HTRA3: variants seen among roughly 807,000 people sequenced by gnomAD.
HTRA3 encodes the protein serine protease HTRA3.
HTRA3 carries 41 observed loss-of-function variants against 43.2 expected under a neutral mutation model. That is an observed-to-expected ratio of 0.95 (90% confidence interval 0.74 to 1.23). The LOEUF (loss-of-function observed/expected upper bound fraction) is 1.23. Among genes scored for constraint, HTRA3 ranks in the 50% most tolerant of loss-of-function variants. The pLI, the probability that HTRA3 is intolerant of heterozygous loss-of-function variation, is 0.00. For synonymous variants in HTRA3, 295 were observed against 287.9 expected (o/e 1.02, Z -0.25); for missense variants, 628 against 647.1 (o/e 0.97, Z 0.32).
chr4:8,270,955 G>T (rs935095457), intron 1 of HTRA3, among the ~76,000 whole-genome samples: 1 of 152,224 alleles, frequency 6.6e-6, no homozygotes, highest in Non-Finnish European at 1.5e-5. Context: ...GACTCTGTAC[G>T]TGGAGGAAAA....
chr4:8,270,125 G>C lies in HTRA3; in HGVS notation c.157G>C (p.Val53Leu). 2 of 1,545,890 alleles carry C rather than the reference G, an allele frequency of 1.3e-6. No homozygotes were observed. The highest frequency in any genetic ancestry group is 1.7e-6 in the Non-Finnish European group (2 of 1,157,994). Reference protein sequence around the residue: ...YVPDLCNCCLVCAASEGEPCG... With the variant: ...YVPDLCNCCLLCAASEGEPCG... Reference sequence around the variant, plus strand: ...GCCCGACCTCTGCAACTGCTGCCTGGTGTGCGCCGCCAGCGAGGGCGAGCC... The same window carrying C: ...GCCCGACCTCTGCAACTGCTGCCTGCTGTGCGCCGCCAGCGAGGGCGAGCC... Residue 53 changes from valine (V) to leucine (L), a missense_variant, in exon 1 of 9, where the codon GTG becomes CTG. Transcript: ENST00000307358.
At chr4:8,299,464 C>A (rs941457656) in intron 6 of HTRA3, among the ~76,000 whole-genome samples, 3 of 152,062 alleles carry the variant, frequency 2.0e-5, no homozygotes, top group Non-Finnish European at 4.4e-5. Flanking sequence ...CCTTTCCAAT[C>A]TGAATGCCTT....
At position 8,286,015 on chromosome 4, in the gene HTRA3, C is replaced by T. The variant is rs554985319; in HGVS notation, c.486-546C>T. Among the ~76,000 whole-genome samples, 8 of 152,364 alleles carry T rather than the reference C, an allele frequency of 5.3e-5. No homozygotes were observed. Among genetic ancestry groups the T allele is most frequent in the African/African-American group, 1.4e-4 (6 of 41,592 alleles). ...AGCCTCCCTTCCTGGGTACCTGCTG[C>T]AGCCCTGCAGGATGCTGTGTGTGCA... is the stretch of plus-strand genomic sequence containing the variant. On this transcript the variant is annotated intron_variant, in intron 2 of 8. Coordinates refer to ENST00000307358, the MANE Select transcript of HTRA3 (RefSeq NM_053044.5). The surrounding 1 kb of genome is among the most constrained non-coding windows in gnomAD (Gnocchi z 4.9).
At chr4:8,274,120 C>T (rs1457757034) in intron 1 of HTRA3, among the ~76,000 whole-genome samples, 2 of 152,248 alleles carry the variant, frequency 1.3e-5, no homozygotes, top group African/African-American at 2.4e-5. Flanking sequence ...GGCCCTGTGC[C>T]TGCCACCTGG....
chr4:8,293,872 C>T (rs1407047832), intron 5 of HTRA3, among the ~76,000 whole-genome samples: 1 of 152,084 alleles, frequency 6.6e-6, no homozygotes, highest in Non-Finnish European at 1.5e-5. Flanking sequence ...GAAATACTCT[C>T]CAGGGATGGG....
At chr4:8,273,274 A>G (rs563674556) in intron 1 of HTRA3, among the ~76,000 whole-genome samples, 3 of 152,246 alleles carry the variant, frequency 2.0e-5, no homozygotes, top group African/African-American at 7.2e-5. Flanking sequence ...CTCAGCCTCC[A>G]TGGAGTATTC....
rs1374670796 is a variant in HTRA3 at position 8,306,046 on chromosome 4, G to A, written c.1272G>A (p.Glu424=). 1.2e-6 allele frequency: 2 copies of A among 1,613,028 alleles called. No homozygotes were observed. The highest frequency in any genetic ancestry group is 1.7e-6 in the Non-Finnish European group (2 of 1,179,666). Residue 424 remains glutamate, a synonymous_variant, in exon 9 of 9, where the codon GAG becomes GAA. Coordinates refer to ENST00000307358, the MANE Select transcript of HTRA3 (RefSeq NM_053044.5). The surrounding 1 kb of genome is among the most constrained non-coding windows in gnomAD (Gnocchi z 8.9). ...TAGTGGACTCGAGTGAGCTGCAGGA[G>A]GCCGTGCTGACCGAGTCTCCTCTCC... is the stretch of plus-strand genomic sequence containing the variant. ...RPLVDSSELQ[E]AVLTESPLLL... is the part of the protein sequence containing the mutation.
intron 6 of HTRA3, among the ~76,000 whole-genome samples, chr4:8,298,077 C>T (rs188185569): frequency 6.6e-6 from 1 of 152,240 alleles, no homozygotes; most frequent in Non-Finnish European, 1.5e-5. Flanking sequence ...GGGTCCAGCA[C>T]CGGGGCACTC....
intron 1 of HTRA3, 100 bp from the exon 2 acceptor site, chr4:8,282,337 C>A: frequency 1.1e-6 from 1 of 927,834 alleles, no homozygotes; most frequent in South Asian, 1.5e-5. Context: ...GGACAGGGGT[C>A]TCAGGAAGAG....
intron 3 of HTRA3, 123 bp from the exon 4 acceptor site, chr4:8,291,247 C>A: frequency 1.2e-6 from 1 of 829,238 alleles, no homozygotes. Flanking sequence ...CTTCACAGTC[C>A]TGGTGGCTTT....
In HTRA3 at chr4:8,302,479, C is replaced by T. The variant is rs747782319; in HGVS notation, c.1068C>T (p.Phe356=). The change falls in exon 7 of 9, where the codon TTC becomes TTT. Residue 356 remains phenylalanine (F), a synonymous_variant. Coordinates refer to ENST00000307358, the MANE Select transcript of HTRA3 (RefSeq NM_053044.5). ...CATTTCCAGACTGGAAGAAGCGCTT[C>T]ATCGGCATACGGATGCGGACGATCA... ...DKQIKDWKKR[F]IGIRMRTITP... The T allele has an allele frequency of 6.2e-7, 1 of 1,614,124 alleles. No homozygotes were observed. Among genetic ancestry groups the T allele is most frequent in the Non-Finnish European group, 8.5e-7 (1 of 1,180,022 alleles).
chr4:8,277,122 A>G (rs1440351420), intron 1 of HTRA3, among the ~76,000 whole-genome samples: 1 of 152,050 alleles, frequency 6.6e-6, no homozygotes, highest in East Asian at 1.9e-4. Flanking sequence ...AGGGTGGCAG[A>G]TGGCAGCATC....
Position 8,291,473 on chromosome 4 carries a change from C to T in HTRA3, c.812C>T (p.Thr271Met), listed in dbSNP as rs142390648. The T allele has an allele frequency of 1.5e-4, 247 of 1,613,028 alleles. No homozygotes were observed. The highest frequency in any genetic ancestry group is 1.3e-3 in the East Asian group (59 of 44,888). Reference sequence around the variant, plus strand: ...TTCGCCCTACAGAACACAGTGACAACGGGCATCGTCAGCACTGCCCAGCGG... The same window carrying T: ...TTCGCCCTACAGAACACAGTGACAATGGGCATCGTCAGCACTGCCCAGCGG... ...SPFALQNTVT[T>M]GIVSTAQREG... The change falls in exon 4 of 9, where the codon ACG becomes ATG. Residue 271 changes from threonine to methionine, a missense_variant. Transcript: ENST00000307358.
chr4:8,275,806 G>C (rs908504458), intron 1 of HTRA3, among the ~76,000 whole-genome samples: 1 of 152,242 alleles, frequency 6.6e-6, no homozygotes, highest in African/African-American at 2.4e-5. Context: ...ATGAGAAAGG[G>C]TTCAGGGAGC....
intron 1 of HTRA3, among the ~76,000 whole-genome samples, chr4:8,280,563 G>A (rs60368234): frequency 0.016 from 2,417 of 152,280 alleles, 57 homozygotes; most frequent in African/African-American, 0.051. Context: ...CAAGGGAGCC[G>A]CCTGCTTTGT....
chr4:8,287,073 G>A (rs1189306977), intron 3 of HTRA3, among the ~76,000 whole-genome samples: 1 of 152,228 alleles, frequency 6.6e-6, no homozygotes, highest in Non-Finnish European at 1.5e-5. Flanking sequence ...ACCCCACGGA[G>A]GCTCTTCACT....
chr4:8,270,200 C>A lies in HTRA3; in HGVS notation c.232C>A (p.Arg78Ser). The A allele has an allele frequency of 6.5e-7, 1 of 1,540,356 alleles. No individual in the cohort carries two copies. The change falls in exon 1 of 9, where the codon CGC becomes AGC. Residue 78 changes from arginine (R) to serine (S), a missense_variant. Transcript: ENST00000307358. ...SPCGESLECV[R>S]GLCRCRWSHA... ...TTGCGGCGAGAGCCTGGAGTGCGTG[C>A]GCGGCCTATGCCGCTGCCGCTGGTC... is the stretch of plus-strand genomic sequence containing the variant.
intron 1 of HTRA3, among the ~76,000 whole-genome samples, chr4:8,281,179 G>A (rs966330156): frequency 2.6e-5 from 4 of 152,222 alleles, no homozygotes; most frequent in African/African-American, 7.2e-5. Context: ...CTAGAGCACG[G>A]ACCGCGGCCC....
chr4:8,287,221 C>T (rs1713027142), intron 3 of HTRA3, among the ~76,000 whole-genome samples: 1 of 152,184 alleles, frequency 6.6e-6, no homozygotes, highest in South Asian at 2.1e-4. Flanking sequence ...CTGTACCTCC[C>T]ACCAGCTGAC....
Sources: gnomAD v4.1 joint callset for allele counts (sites outside exome capture counted in the v4.1 genomes callset) on GRCh38, gnomAD v4.1.1 for gene constraint, Gnocchi (gnomAD v3.1) non-coding constraint, MANE v1.5 for transcripts, NCBI Gene and HGNC (gene_info 2026-07-23, HGNC 2026-07-21) for gene names.